The following LSAMP variants were observed in gnomAD, a reference collection of about 807,000 sequenced individuals.
LSAMP encodes the protein limbic system associated membrane protein.
LSAMP carries 7 observed loss-of-function variants against 38.6 expected under a neutral mutation model. The observed-to-expected ratio is 0.18, with a 90% confidence interval of 0.10 to 0.34. LSAMP has a LOEUF of 0.34. Ranked by LOEUF, LSAMP falls within the 10% of genes least tolerant of loss-of-function variation. The pLI, the probability that LSAMP is intolerant of heterozygous loss-of-function variation, is 1.00. For missense variants in LSAMP, 313 were observed against 420.0 expected, an observed-to-expected ratio of 0.75 and a Z score of 2.23; for synonymous variants, 154 against 166.8, an observed-to-expected ratio of 0.92 and a Z score of 0.59.
rs557042650 is a variant in LSAMP at position 116,223,018 on chromosome 3, G to A, written c.156-136462C>T. On this transcript the variant is annotated intron_variant, in intron 1 of 6. Transcript: ENST00000490035. ...CTCCCAAAGTGCTGGGATTACAGGC[G>A]TGAGCCACCGCGCCCGGCCTCAAAA... Among the ~76,000 whole-genome samples the A allele has an allele frequency of 5.9e-4, 90 of 151,646 alleles. 1 individual carries two copies. In the South Asian group the frequency reaches 0.015, roughly 25 times the overall value.
chr3:116,068,804 G>A (rs1707524696), intron 2 of LSAMP, among the ~76,000 whole-genome samples: 2 of 152,202 alleles, frequency 1.3e-5, no homozygotes, highest in Admixed American at 1.3e-4. Context: ...GAAGTTCTGT[G>A]TGGTTTCAAA....
intron 1 of LSAMP, among the ~76,000 whole-genome samples, chr3:116,222,721 T>C (rs962002901): frequency 2.3e-4 from 2 of 8,636 alleles, no homozygotes; most frequent in East Asian, 0.015. Flanking sequence ...CATCCTCTCC[T>C]TTTTTTTTTT....
intron 3 of LSAMP, among the ~76,000 whole-genome samples, chr3:115,900,400 T>C (rs1035539035): frequency 2.7e-5 from 4 of 149,840 alleles, no homozygotes; most frequent in African/African-American, 9.8e-5. Context: ...CTGCAATCCC[T>C]AGCTACTTGG....
intron 1 of LSAMP, among the ~76,000 whole-genome samples, chr3:116,235,077 T>C (rs1357089232): frequency 6.6e-6 from 1 of 152,112 alleles, no homozygotes; most frequent in Admixed American, 6.6e-5. Flanking sequence ...CATTATAGTA[T>C]AGAAAATAGA....
intron 1 of LSAMP, among the ~76,000 whole-genome samples, chr3:116,267,172 T>C (rs1266217379): frequency 1.3e-5 from 2 of 152,122 alleles, no homozygotes; most frequent in Non-Finnish European, 2.9e-5. Context: ...TTTTTGAAGT[T>C]GGCGCCACTT....
At chr3:116,207,938 A>G (rs2046093576) in intron 1 of LSAMP, among the ~76,000 whole-genome samples, 2 of 148,290 alleles carry the variant, frequency 1.3e-5, no homozygotes, top group Non-Finnish European at 3.0e-5. Flanking sequence ...CTGAATCTGA[A>G]CGTTGGCCTG....
intron 1 of LSAMP, among the ~76,000 whole-genome samples, chr3:116,186,019 A>G (rs1158809662): frequency 1.3e-5 from 2 of 152,074 alleles, no homozygotes; most frequent in African/African-American, 4.8e-5. Context: ...GATTTTTTTA[A>G]TGCTAGGTAC....
chr3:116,405,799 G>T (rs9869252), intron 1 of LSAMP, among the ~76,000 whole-genome samples: 4 of 152,028 alleles, frequency 2.6e-5, no homozygotes, highest in Non-Finnish European at 5.9e-5. Context: ...TGATCATGCA[G>T]TTAGTTAATA....
intron 1 of LSAMP, among the ~76,000 whole-genome samples, chr3:116,230,147 G>T (rs2046387548): frequency 6.6e-6 from 1 of 152,044 alleles, no homozygotes; most frequent in Non-Finnish European, 1.5e-5. Context: ...GATTGCCAAA[G>T]AATACACACA....
At chr3:116,318,852 G>C (rs893380951) in intron 1 of LSAMP, among the ~76,000 whole-genome samples, 3 of 152,154 alleles carry the variant, frequency 2.0e-5, no homozygotes, top group African/African-American at 7.2e-5. Context: ...AAAACTATGA[G>C]AGATTTCTAA....
intron 1 of LSAMP, among the ~76,000 whole-genome samples, chr3:116,236,138 A>C (rs1198310731): frequency 6.6e-6 from 1 of 152,114 alleles, no homozygotes; most frequent in Non-Finnish European, 1.5e-5. Context: ...AAAAAACCCA[A>C]CTTTGTAGTG....
At position 115,895,593 on chromosome 3, in the gene LSAMP, T is replaced by C. The variant is rs535020615; in HGVS notation, c.515-42976A>G. Among the ~76,000 whole-genome samples the C allele has an allele frequency of 2.0e-4, 31 of 152,174 alleles. No homozygotes were observed. The South Asian group carries it at 6.0e-3, about 30-fold the overall frequency. ...TGGAAGTGCATCAAGAGGGGAAATATTTCTTTGAACGGATCTATGGAATGG... is the reference window on the plus strand; with the variant it reads ...TGGAAGTGCATCAAGAGGGGAAATACTTCTTTGAACGGATCTATGGAATGG... On this transcript the variant is annotated intron_variant, in intron 3 of 6. Coordinates refer to ENST00000490035, the MANE Select transcript of LSAMP (RefSeq NM_002338.5).
Position 116,356,295 on chromosome 3 carries a change from G to A in LSAMP, c.155+88582C>T, listed in dbSNP as rs56746885. 1.6e-3 allele frequency among the ~76,000 whole-genome samples: 250 copies of A among 152,296 alleles called. 1 individual carries two copies. The highest frequency in any genetic ancestry group is 5.7e-3 in the African/African-American group (236 of 41,564). ...TGTAACAACATGGATGGAACTGAAAGACATTGTTAAGTGAAGTAAGCCAGG... is the reference window on the plus strand; with the variant it reads ...TGTAACAACATGGATGGAACTGAAAAACATTGTTAAGTGAAGTAAGCCAGG... On this transcript the variant is annotated intron_variant, in intron 1 of 6. Coordinates refer to ENST00000490035, the MANE Select transcript of LSAMP (RefSeq NM_002338.5).
chr3:116,119,999 T>C (rs1007068867), intron 1 of LSAMP, among the ~76,000 whole-genome samples: 6 of 152,138 alleles, frequency 3.9e-5, no homozygotes, highest in Non-Finnish European at 8.8e-5. Context: ...GAGGAGGCCA[T>C]GTCATGTTCC....
chr3:115,898,049 G>T (rs1448165048), intron 3 of LSAMP, among the ~76,000 whole-genome samples: 2 of 152,090 alleles, frequency 1.3e-5, no homozygotes, highest in East Asian at 1.9e-4. Flanking sequence ...AGTCCTAGGG[G>T]CTAGGATAAG....
chr3:115,975,304 CAT>C (rs1264129411), intron 3 of LSAMP, among the ~76,000 whole-genome samples: 1 of 152,062 alleles, frequency 6.6e-6, no homozygotes, highest in Non-Finnish European at 1.5e-5. Context: ...AAAAACAAAA[CAT>C]GAGAGACATC....
intron 1 of LSAMP, among the ~76,000 whole-genome samples, chr3:116,444,601 G>A (rs1181286683): frequency 6.6e-6 from 1 of 151,970 alleles, no homozygotes; most frequent in African/African-American, 2.4e-5. Flanking sequence ...CTTGATAAGA[G>A]AAACAAGGTC....
chr3:116,198,556 C>G (rs2045941816), intron 1 of LSAMP, among the ~76,000 whole-genome samples: 1 of 149,850 alleles, frequency 6.7e-6, no homozygotes, highest in African/African-American at 2.5e-5. Flanking sequence ...GATCACGAGG[C>G]CAGGAGATCG....
At chr3:115,984,224 A>G (rs1404823251) in intron 3 of LSAMP, among the ~76,000 whole-genome samples, 1 of 143,098 alleles carries the variant, frequency 7.0e-6, no homozygotes, top group East Asian at 2.0e-4. Context: ...ATTCACAAAG[A>G]AAAAAAAAAT....
Sources: allele counts gnomAD v4.1 joint callset (sites outside exome capture counted in the v4.1 genomes callset), GRCh38; gene constraint gnomAD v4.1.1; transcripts MANE v1.5; gene names NCBI Gene and HGNC (gene_info 2026-07-23, HGNC 2026-07-21).